PDK1: variants seen among roughly 807,000 people sequenced by gnomAD.
The protein encoded by PDK1 is [Pyruvate dehydrogenase (acetyl-transferring)] kinase isozyme 1, mitochondrial.
PDK1 carries 39 observed loss-of-function variants against 54.2 expected under a neutral mutation model. That is an observed-to-expected ratio of 0.72 (90% CI 0.56 to 0.94). The LOEUF (loss-of-function observed/expected upper bound fraction) is 0.94, where lower values mean the gene tolerates loss of function less well. PDK1 is among the 40% of genes least tolerant of loss of function. PDK1 has a pLI of 0.00. For synonymous variants in PDK1, 221 were observed against 207.1 expected, an observed-to-expected ratio of 1.07 and a Z score of -0.58; for missense variants, 552 against 566.0, an observed-to-expected ratio of 0.98 and a Z score of 0.25.
At chr2:172,701,632 T>A in the PDK1 span, among the ~76,000 whole-genome samples, 1 of 15,206 alleles carries the variant, frequency 6.6e-5, no homozygotes, top group Non-Finnish European at 1.8e-4. Flanking sequence ...GTTTATCCTG[T>A]TTTTTTTTTT....
At chr2:172,633,888 T>TG in the PDK1 span, among the ~76,000 whole-genome samples, 1 of 141,614 alleles carries the variant, frequency 7.1e-6, no homozygotes, top group Non-Finnish European at 1.5e-5. Context: ...TTTTTTTTTT[T>TG]TTTTTGAGAC....
chr2:172,633,320 T>C, the PDK1 span, among the ~76,000 whole-genome samples: 19 of 151,722 alleles, frequency 1.3e-4, no homozygotes, highest in South Asian at 3.7e-3. Flanking sequence ...AGCACTGGGA[T>C]TACAAGTGTG....
the PDK1 span, among the ~76,000 whole-genome samples, chr2:172,687,593 C>T: frequency 6.6e-6 from 1 of 152,166 alleles, no homozygotes; most frequent in Non-Finnish European, 1.5e-5. Context: ...CTTCAGCTAT[C>T]ACCTCATCAA....
At chr2:172,641,829 T>C in the PDK1 span, among the ~76,000 whole-genome samples, 1 of 152,304 alleles carries the variant, frequency 6.6e-6, no homozygotes, top group Non-Finnish European at 1.5e-5. Flanking sequence ...GGCTGGCTTT[T>C]GGGAAAACGT....
chr2:172,718,790 A>G, the PDK1 span, among the ~76,000 whole-genome samples: 2 of 152,176 alleles, frequency 1.3e-5, no homozygotes, highest in African/African-American at 4.8e-5. Flanking sequence ...AGGAAGCCAG[A>G]GTCCCTGTCT....
the PDK1 span, among the ~76,000 whole-genome samples, chr2:172,643,552 C>T: frequency 6.6e-6 from 1 of 152,158 alleles, no homozygotes; most frequent in Admixed American, 6.5e-5. Flanking sequence ...CCTAAGCAGG[C>T]CTCCTCCTTA....
chr2:172,722,968 A>C, the PDK1 span, among the ~76,000 whole-genome samples: 1 of 152,040 alleles, frequency 6.6e-6, no homozygotes, highest in South Asian at 2.1e-4. Context: ...TTTCTAGTAA[A>C]ACATTTTTGA....
chr2:172,712,735 G>C, the PDK1 span, among the ~76,000 whole-genome samples: 2 of 152,220 alleles, frequency 1.3e-5, no homozygotes, highest in Non-Finnish European at 2.9e-5. Flanking sequence ...TTCCCAAAGA[G>C]CTGCAGCTCT....
At chr2:172,585,316 ATTTTTTTT>A (rs538241255) in intron 8 of PDK1, among the ~76,000 whole-genome samples, 4 of 103,302 alleles carry the variant, frequency 3.9e-5, no homozygotes, top group African/African-American at 1.3e-4. Flanking sequence ...TGCATTTTTA[ATTTTTTTT>A]TTTTTTTTTT....
chr2:172,720,804 C>T, the PDK1 span, among the ~76,000 whole-genome samples: 1 of 152,066 alleles, frequency 6.6e-6, no homozygotes, highest in African/African-American at 2.4e-5. Context: ...TCTGGTTCTT[C>T]CCCCAAGGCT....
chr2:172,655,269 CTA>C, the PDK1 span, among the ~76,000 whole-genome samples: 2 of 152,208 alleles, frequency 1.3e-5, no homozygotes, highest in African/African-American at 4.8e-5. Context: ...AGCTTTAAAA[CTA>C]TTTCTTTAGA....
the PDK1 span, among the ~76,000 whole-genome samples, chr2:172,623,843 G>A: frequency 6.6e-6 from 1 of 152,202 alleles, no homozygotes; most frequent in African/African-American, 2.4e-5. Context: ...TAAGAGCAGA[G>A]CAGGTTGCTC....
chr2:172,595,048 A>G (rs2149300992), intron 10 of PDK1, among the ~76,000 whole-genome samples: 1 of 152,288 alleles, frequency 6.6e-6, no homozygotes, highest in South Asian at 2.1e-4. Context: ...CTATTTATTA[A>G]TAATGTTATA....
chr2:172,641,838 G>A, the PDK1 span, among the ~76,000 whole-genome samples: 1 of 152,124 alleles, frequency 6.6e-6, no homozygotes, highest in African/African-American at 2.4e-5. Context: ...TTGGGAAAAC[G>A]TATTCTGGTT....
At chr2:172,710,983 T>C in the PDK1 span, among the ~76,000 whole-genome samples, 1 of 152,230 alleles carries the variant, frequency 6.6e-6, no homozygotes, top group South Asian at 2.1e-4. Context: ...GGAAAGCACA[T>C]TGGAAGTTAT....
the PDK1 span, among the ~76,000 whole-genome samples, chr2:172,614,177 C>A: frequency 2.1e-5 from 3 of 142,746 alleles, no homozygotes; most frequent in Non-Finnish European, 3.2e-5. Flanking sequence ...GAAGGACCCC[C>A]CCCCCCAACC....
chr2:172,578,877 C>T (rs1689723424), intron 8 of PDK1, among the ~76,000 whole-genome samples: 1 of 152,026 alleles, frequency 6.6e-6, no homozygotes, highest in African/African-American at 2.4e-5. Context: ...CAGTAAGTTT[C>T]CCAGTCTTTG....
intron 9 of PDK1, among the ~76,000 whole-genome samples, chr2:172,588,543 GAATTTTT>G (rs1690387570): frequency 6.6e-6 from 1 of 152,178 alleles, no homozygotes; most frequent in Admixed American, 6.5e-5. Context: ...AAATGTATGT[GAATTTTT>G]AAGAAAATAG....
the PDK1 span, among the ~76,000 whole-genome samples, chr2:172,716,900 A>G: frequency 1.3e-5 from 2 of 152,216 alleles, no homozygotes; most frequent in African/African-American, 2.4e-5. Context: ...AACTTCATCA[A>G]TGTTTTCTGT....
Sources: allele counts gnomAD v4.1 joint callset (sites outside exome capture counted in the v4.1 genomes callset), GRCh38; gene constraint gnomAD v4.1.1; transcripts MANE v1.5; gene names NCBI Gene and HGNC (gene_info 2026-07-23, HGNC 2026-07-21).